The following NARS2 variants were observed in gnomAD, a reference collection of about 807,000 sequenced individuals.
The protein encoded by NARS2 is asparaginyl-tRNA synthetase 2, mitochondrial, also known as asparaginyl-tRNA synthetase.
In NARS2, 60 loss-of-function variants were observed where a neutral mutation model predicts 62.9. The observed-to-expected ratio is 0.95, with a 90% CI of 0.77 to 1.18. NARS2 has a LOEUF of 1.18. Ranked by LOEUF, NARS2 falls within the 50% of genes most tolerant of loss-of-function variation. The pLI, the probability that NARS2 is intolerant of heterozygous loss-of-function variation, is 0.00. For synonymous variants in NARS2, 196 were observed against 200.0 expected (o/e 0.98, Z 0.17); for missense variants, 619 against 576.4 (o/e 1.07, Z -0.76).
intron 6 of NARS2, among the ~76,000 whole-genome samples, chr11:78,511,091 T>C (rs1860704558): frequency 6.6e-6 from 1 of 152,156 alleles, no homozygotes; most frequent in Non-Finnish European, 1.5e-5. Flanking sequence ...GTTTTTTGTT[T>C]TTTTCAGACA....
intron 6 of NARS2, among the ~76,000 whole-genome samples, chr11:78,519,801 C>T (rs1487852940): frequency 1.3e-5 from 2 of 151,742 alleles, no homozygotes; most frequent in Admixed American, 6.6e-5. Flanking sequence ...CCTGGGTTCA[C>T]GCGATTCTCC....
chr11:78,465,912 G>A lies in NARS2; in HGVS notation c.1128C>T (p.Phe376=), dbSNP rs1287032660. ...VINYPLTLKP[F]YMRDNEDGPQ... ...GGCCATCTTCATTATCCCTCATGTA[G>A]AAAGGCTTGAGTGTTAATGGATAAT... The change falls in exon 11 of 14, where the codon TTC becomes TTT. Residue 376 remains phenylalanine, a synonymous_variant. Transcript: ENST00000281038. 1 of 1,614,088 alleles carries A rather than the reference G, an allele frequency of 6.2e-7. No homozygotes were observed. Among genetic ancestry groups the A allele is most frequent in the South Asian group, 1.1e-5 (1 of 91,072 alleles).
intron 11 of NARS2, among the ~76,000 whole-genome samples, chr11:78,451,835 C>T (rs1857981610): frequency 6.6e-6 from 1 of 152,170 alleles, no homozygotes; most frequent in Non-Finnish European, 1.5e-5. Flanking sequence ...CAGCCAATTC[C>T]AGTGTGCTTT....
intron 6 of NARS2, among the ~76,000 whole-genome samples, chr11:78,515,480 A>G (rs1860872245): frequency 6.6e-6 from 1 of 152,188 alleles, no homozygotes; most frequent in Non-Finnish European, 1.5e-5. Context: ...GTTGACGGTT[A>G]TACAACTTTG....
intron 12 of NARS2, among the ~76,000 whole-genome samples, chr11:78,441,719 AAAAAG>A (rs1393994146): frequency 6.6e-6 from 1 of 152,042 alleles, no homozygotes; most frequent in Non-Finnish European, 1.5e-5. Context: ...TCAAAAAAAA[AAAAAG>A]AAAAGAAAAG....
At chr11:78,551,227 T>C (rs1856094656) in intron 5 of NARS2, among the ~76,000 whole-genome samples, 2 of 152,332 alleles carry the variant, frequency 1.3e-5, no homozygotes, top group South Asian at 2.1e-4. Flanking sequence ...TTCTGAGAAA[T>C]GCATCACTAG....
At chr11:78,531,770 AAAG>A (rs1271169304) in intron 5 of NARS2, among the ~76,000 whole-genome samples, 2 of 152,228 alleles carry the variant, frequency 1.3e-5, no homozygotes, top group African/African-American at 2.4e-5. Context: ...ATGCTAAGTG[AAAG>A]AAGACAGACT....
Position 78,502,991 on chromosome 11 carries a change from C to CAAAAAA in NARS2, c.690-9802_690-9797dup, listed in dbSNP as rs550751384. Among the ~76,000 whole-genome samples, 84 of 82,934 alleles carry CAAAAAA rather than the reference C, an allele frequency of 1.0e-3. 7 individuals carry two copies. The highest frequency in any genetic ancestry group is 5.3e-3 in the African/African-American group (83 of 15,798). 54.4% of individuals were successfully genotyped at this position (82,934 alleles called of 152,430 possible). ...CCTGGGTAACAGAGTGAGACTGTCT[C>CAAAAAA]AAAAAAAAAAAAAAAAAAAGGTTGA... is the stretch of plus-strand genomic sequence containing the variant. On this transcript the variant is annotated intron_variant, in intron 6 of 13. Transcript: ENST00000281038.
At chr11:78,468,571 A>AT (rs1858731649) in intron 10 of NARS2, among the ~76,000 whole-genome samples, 1 of 151,064 alleles carries the variant, frequency 6.6e-6, no homozygotes, top group South Asian at 2.1e-4. Flanking sequence ...CACCCAGCTA[A>AT]TTTTTTGTAT....
chr11:78,534,609 T>A (rs568851032), intron 5 of NARS2, among the ~76,000 whole-genome samples: 1 of 152,308 alleles, frequency 6.6e-6, no homozygotes, highest in South Asian at 2.1e-4. Flanking sequence ...CTCAAACCTC[T>A]TAAGATCAAA....
chr11:78,494,463 CTTTTTCTTTTTTTT>C (rs1859970229), intron 6 of NARS2, among the ~76,000 whole-genome samples: 1 of 80,260 alleles, frequency 1.2e-5, no homozygotes, highest in South Asian at 4.3e-4. Context: ...TAAGTTTTTT[CTTTTTCTTTTTTTT>C]TTTTTTTTTA....
intron 11 of NARS2, among the ~76,000 whole-genome samples, chr11:78,448,984 C>G (rs893974681): frequency 2.0e-5 from 3 of 152,128 alleles, no homozygotes; most frequent in Non-Finnish European, 2.9e-5. Context: ...TGATTATAAA[C>G]TTCCTTTAAT....
In NARS2 at chr11:78,465,925, G is replaced by C. The variant is rs761306853; in HGVS notation, c.1115C>G (p.Thr372Arg). The change falls in exon 11 of 14, where the codon ACA (threonine) becomes AGA (arginine). Residue 372 changes from threonine (T) to arginine (R), a missense_variant. Physicochemically the swap from Thr to Arg is moderately conservative, Grantham distance 71. Coordinates refer to ENST00000281038, the MANE Select transcript of NARS2 (RefSeq NM_024678.6). ...IPVFVINYPL[T>R]LKPFYMRDNE... ...ATCCCTCATGTAGAAAGGCTTGAGTGTTAATGGATAATTAATAACGAAGAC... is the reference window on the plus strand; with the variant it reads ...ATCCCTCATGTAGAAAGGCTTGAGTCTTAATGGATAATTAATAACGAAGAC... 6.2e-7 allele frequency: 1 copy of C among 1,614,026 alleles called. No individual in the cohort carries two copies. The highest frequency in any genetic ancestry group is 8.5e-7 in the Non-Finnish European group (1 of 1,179,936).
rs180852276 is a variant in NARS2, at chr11:78,476,545, C to T, written c.959+1893G>A. Among the ~76,000 whole-genome samples the T allele has an allele frequency of 2.2e-4, 34 of 152,334 alleles. No individual in the cohort carries two copies. The East Asian group carries it at 6.2e-3, about 28-fold the overall frequency. The stretch of plus-strand genomic sequence containing the variant: ...GTGGTCCATCTGCGTGTCTCAATTT[C>T]ATTCCCAAATTTTGGGATTTTCAAA... On this transcript the variant is annotated intron_variant, in intron 9 of 13. Coordinates refer to ENST00000281038, the MANE Select transcript of NARS2 (RefSeq NM_024678.6).
At chr11:78,502,358 T>C (rs963549337) in intron 6 of NARS2, among the ~76,000 whole-genome samples, 1 of 152,256 alleles carries the variant, frequency 6.6e-6, no homozygotes, top group African/African-American at 2.4e-5. Flanking sequence ...TCTTGCTATG[T>C]CCTCATGTGG....
Position 78,570,796 on chromosome 11 carries a change from G to A in NARS2, c.251+539C>T, listed in dbSNP as rs1038607172. 4.6e-5 allele frequency among the ~76,000 whole-genome samples: 7 copies of A among 152,222 alleles called. No homozygotes were observed. In the South Asian group the frequency reaches 1.4e-3, roughly 31 times the overall value. ...CTAGAGGCCAAGAATACAAAAAAGA[G>A]TGAGATGCCATTCCTAACCTCAGGA... On this transcript the variant is annotated intron_variant, in intron 2 of 13. Transcript: ENST00000281038.
intron 7 of NARS2, among the ~76,000 whole-genome samples, chr11:78,483,495 G>A (rs140623233): frequency 2.0e-4 from 30 of 152,200 alleles, no homozygotes; most frequent in African/African-American, 3.4e-4. Context: ...AAACCACATC[G>A]TCTCAGCCCA....
chr11:78,542,891 C>A (rs181458936), intron 5 of NARS2, among the ~76,000 whole-genome samples: 2 of 152,168 alleles, frequency 1.3e-5, no homozygotes, highest in Non-Finnish European at 2.9e-5. Context: ...GGCGACAGAG[C>A]GAGACCTTGG....
chr11:78,530,278 C>A (rs1406475241), intron 5 of NARS2, among the ~76,000 whole-genome samples: 7 of 152,050 alleles, frequency 4.6e-5, no homozygotes, highest in Non-Finnish European at 8.8e-5. Flanking sequence ...AATAAAAGAT[C>A]TGTTCTCTGA....
Sources: gnomAD v4.1 joint callset for allele counts (sites outside exome capture counted in the v4.1 genomes callset) on GRCh38, gnomAD v4.1.1 for gene constraint, MANE v1.5 for transcripts, NCBI Gene and HGNC (gene_info 2026-07-23, HGNC 2026-07-21) for gene names.